Variants in WWOX observed in about 807,000 individuals in gnomAD.
The protein encoded by WWOX is WW domain containing oxidoreductase, also known as WW domain-containing oxidoreductase.
In WWOX, 69 loss-of-function variants were observed where a neutral mutation model predicts 46.2. The ratio of observed to expected loss-of-function variants is 1.49; its 90% confidence interval spans 1.23 to 1.82. The LOEUF is 1.82. Among genes scored for constraint, WWOX ranks in the 40% most tolerant of loss-of-function variants. The probability of loss-of-function intolerance (pLI) is 0.00; values close to 1 mark genes in which losing one functional copy is unlikely to be tolerated. For missense variants in WWOX, 919 were observed against 542.6 expected (o/e 1.69, Z -6.89); for synonymous variants, 359 against 202.6 (o/e 1.77, Z -6.56).
chr16:78,673,918 C>T (rs1046306963), intron 8 of WWOX, among the ~76,000 whole-genome samples: 1 of 151,994 alleles, frequency 6.6e-6, no homozygotes, highest in African/African-American at 2.4e-5. Context: ...TTGGTTCATC[C>T]CATTTGAGTT....
At chr16:78,927,976 T>TGTGTGTGTGTGTG (rs370476030) in intron 8 of WWOX, among the ~76,000 whole-genome samples, 1 of 151,704 alleles carries the variant, frequency 6.6e-6, no homozygotes, top group African/African-American at 2.4e-5. Flanking sequence ...CTCAGGGTTT[T>TGTGTGTGTGTGTG]TGTGTGTGTG....
intron 8 of WWOX, among the ~76,000 whole-genome samples, chr16:78,867,458 C>G (rs189216742): frequency 2.8e-4 from 43 of 151,650 alleles, no homozygotes; most frequent in Non-Finnish European, 5.0e-4. Context: ...GATGGGGAAT[C>G]TGAGACTCAG....
intron 8 of WWOX, among the ~76,000 whole-genome samples, chr16:78,769,138 T>A (rs2049998810): frequency 6.6e-6 from 1 of 152,214 alleles, no homozygotes; most frequent in South Asian, 2.1e-4. Flanking sequence ...TCCAAATAAT[T>A]GGTGGAAGGA....
intron 5 of WWOX, among the ~76,000 whole-genome samples, chr16:78,371,588 T>A (rs2081687861): frequency 6.6e-6 from 1 of 152,188 alleles, no homozygotes; most frequent in Non-Finnish European, 1.5e-5. Flanking sequence ...AATCCATCTT[T>A]TTGTTTATGG....
At chr16:78,724,986 T>C (rs778426543) in intron 8 of WWOX, among the ~76,000 whole-genome samples, 31 of 152,272 alleles carry the variant, frequency 2.0e-4, no homozygotes, top group Admixed American at 1.8e-3. Context: ...ATTGGTGATA[T>C]GGTTTGGCTG....
At chr16:78,643,236 G>GA (rs1181671575) in intron 8 of WWOX, among the ~76,000 whole-genome samples, 2 of 152,172 alleles carry the variant, frequency 1.3e-5, no homozygotes, top group African/African-American at 4.8e-5. Context: ...CGTATGCCTA[G>GA]AAAACATGAA....
chr16:79,161,691 G>T (rs1456937048), intron 8 of WWOX, among the ~76,000 whole-genome samples: 1 of 152,052 alleles, frequency 6.6e-6, no homozygotes, highest in African/African-American at 2.4e-5. Flanking sequence ...GCTAGTTTTT[G>T]TATTTTTAGT....
intron 8 of WWOX, among the ~76,000 whole-genome samples, chr16:79,158,905 G>A (rs1160388790): frequency 6.6e-6 from 1 of 152,118 alleles, no homozygotes; most frequent in Admixed American, 6.5e-5. Context: ...TGTAGTCCCA[G>A]TTCCTACAAC....
At chr16:79,038,359 T>A (rs2047907835) in intron 8 of WWOX, among the ~76,000 whole-genome samples, 1 of 152,106 alleles carries the variant, frequency 6.6e-6, no homozygotes, top group South Asian at 2.1e-4. Context: ...GATACAACAT[T>A]AGGTGGAAAA....
chr16:78,599,430 G>A (rs538050183), intron 8 of WWOX, among the ~76,000 whole-genome samples: 1 of 152,312 alleles, frequency 6.6e-6, no homozygotes, highest in East Asian at 1.9e-4. Flanking sequence ...CTAAGGCTGT[G>A]GCCATGGCTG....
chr16:78,941,760 T>C (rs189497945), intron 8 of WWOX, among the ~76,000 whole-genome samples: 276 of 152,304 alleles, frequency 1.8e-3, no homozygotes, highest in African/African-American at 6.3e-3. Flanking sequence ...AATGAAATTA[T>C]ATTTTTAAAA....
intron 5 of WWOX, among the ~76,000 whole-genome samples, chr16:78,321,715 A>T (rs958594410): frequency 6.6e-6 from 1 of 152,146 alleles, no homozygotes; most frequent in Admixed American, 6.5e-5. Flanking sequence ...AAGGGTGATG[A>T]TGTAGGAGTG....
intron 5 of WWOX, among the ~76,000 whole-genome samples, chr16:78,234,739 A>T (rs555756733): frequency 5.9e-4 from 90 of 152,046 alleles, no homozygotes; most frequent in Middle Eastern, 6.8e-3. Flanking sequence ...AAAGAACCAC[A>T]AGTCTCTATT....
At chr16:78,476,689 A>G (rs914750191) in intron 8 of WWOX, among the ~76,000 whole-genome samples, 2 of 152,150 alleles carry the variant, frequency 1.3e-5, no homozygotes, top group Non-Finnish European at 2.9e-5. Context: ...ATCACAGAGG[A>G]TGAAAAGTCT....
At chr16:79,205,114 G>C (rs746964778) in intron 8 of WWOX, 5 of 152,206 alleles carry the variant, frequency 3.3e-5, no homozygotes, top group Non-Finnish European at 7.3e-5. Context: ...TCTCTGAACA[G>C]AAGCCTGTGA....
At chr16:78,436,951 G>T (rs1429964550) in intron 8 of WWOX, among the ~76,000 whole-genome samples, 2 of 152,168 alleles carry the variant, frequency 1.3e-5, no homozygotes, top group African/African-American at 2.4e-5. Context: ...TCTTCCGTAG[G>T]TAAAGGCTGG....
intron 5 of WWOX, chr16:78,355,608 G>T: frequency 1.8e-6 from 1 of 552,614 alleles, no homozygotes; most frequent in Non-Finnish European, 3.6e-6. Context: ...CCAGAGGAGC[G>T]AATTTGTGTG....
At chr16:78,549,664 G>C (rs982271504) in intron 8 of WWOX, among the ~76,000 whole-genome samples, 1 of 152,098 alleles carries the variant, frequency 6.6e-6, no homozygotes, top group Non-Finnish European at 1.5e-5. Flanking sequence ...AATCATTCTG[G>C]GCAAGGAAAC....
chr16:78,982,271 T>C (rs2046697796), intron 8 of WWOX, among the ~76,000 whole-genome samples: 1 of 152,192 alleles, frequency 6.6e-6, no homozygotes, highest in Non-Finnish European at 1.5e-5. Flanking sequence ...GACAGGCAAG[T>C]TTGAATCACT....
Sources: allele counts gnomAD v4.1 joint callset (sites outside exome capture counted in the v4.1 genomes callset), GRCh38; gene constraint gnomAD v4.1.1; transcripts MANE v1.5; gene names NCBI Gene and HGNC (gene_info 2026-07-23, HGNC 2026-07-21).